The following CNIH3 variants were observed in gnomAD, a reference collection of about 807,000 sequenced individuals.
CNIH3 encodes protein cornichon homolog 3.
Under a neutral mutation model 24.1 loss-of-function variants are expected in CNIH3, and 14 were observed. The observed-to-expected ratio is 0.58, with a 90% CI of 0.38 to 0.91. The LOEUF (loss-of-function observed/expected upper bound fraction) is 0.91. Among genes scored for constraint, CNIH3 ranks in the 40% least tolerant of loss-of-function variants. The pLI is 0.00. For synonymous variants in CNIH3, 68 were observed against 73.8 expected (o/e 0.92, Z 0.40); for missense variants, 178 against 196.8 (o/e 0.90, Z 0.57).
intron 3 of CNIH3, among the ~76,000 whole-genome samples, chr1:224,689,923 G>A (rs1383359428): frequency 6.6e-6 from 1 of 152,064 alleles, no homozygotes; most frequent in Non-Finnish European, 1.5e-5. Flanking sequence ...AGCTCTGTGG[G>A]GCCCCTACAA....
chr1:224,536,138 C>G (rs1273988627), intron 2 of CNIH3, among the ~76,000 whole-genome samples: 2 of 152,076 alleles, frequency 1.3e-5, no homozygotes, highest in African/African-American at 4.8e-5. Context: ...GGGCAAGGAT[C>G]CATCTGTCAG....
At chr1:224,714,085 G>A (rs1278883022) in intron 3 of CNIH3, among the ~76,000 whole-genome samples, 1 of 152,196 alleles carries the variant, frequency 6.6e-6, no homozygotes, top group Non-Finnish European at 1.5e-5. Context: ...AAAGTGCTGG[G>A]ATTACAGGCG....
At chr1:224,575,509 G>A (rs984345075) in intron 4 of CNIH3, 2 of 516,740 alleles carry the variant, frequency 3.9e-6, no homozygotes, top group African/African-American at 1.9e-5. Flanking sequence ...AACCTATAGA[G>A]TGGCCAGCGA....
Position 224,704,917 on chromosome 1 carries a change from C to A in CNIH3, c.198+20074C>A, listed in dbSNP as rs1007332093. Reference sequence around the variant, plus strand: ...CTGAGGTCAAGAGTTCAAGACCAGCCTGACCAATGTGATGAAACCCCGTCT... The same window carrying A: ...CTGAGGTCAAGAGTTCAAGACCAGCATGACCAATGTGATGAAACCCCGTCT... On this transcript the variant is annotated intron_variant, in intron 3 of 5. Transcript: ENST00000272133. This position sits in a 1 kb window ranked among gnomAD's most constrained non-coding sequence, Gnocchi z 4.2. Among the ~76,000 whole-genome samples the A allele has an allele frequency of 6.6e-6, 1 of 152,152 alleles. No homozygotes were observed. The highest frequency in any genetic ancestry group is 2.4e-5 in the African/African-American group (1 of 41,432).
At chr1:224,599,487 G>A (rs1224340997) in intron 3 of CNIH3, among the ~76,000 whole-genome samples, 1 of 151,964 alleles carries the variant, frequency 6.6e-6, no homozygotes, top group Admixed American at 6.5e-5. Flanking sequence ...AACTCATTAT[G>A]CCTTTTACAT....
At chr1:224,529,063 T>G (rs985300) in intron 2 of CNIH3, 2 of 152,264 alleles carry the variant, frequency 1.3e-5, no homozygotes, top group Middle Eastern at 3.4e-3. Flanking sequence ...GCGAGTCGGC[T>G]GGGGCAGCCT....
intron 1 of CNIH3, among the ~76,000 whole-genome samples, chr1:224,504,902 A>G (rs1019450397): frequency 2.6e-5 from 4 of 152,092 alleles, no homozygotes; most frequent in Non-Finnish European, 4.4e-5. Context: ...TAAGTGCTCA[A>G]TGGAGGGCAA....
Position 224,684,848 on chromosome 1 carries a change from G to C in CNIH3, c.198+5G>C. On this transcript the variant is annotated splice_donor_5th_base_variant and intron_variant, in intron 3 of 5. Transcript: ENST00000272133. This position sits in a 1 kb window ranked among gnomAD's most constrained non-coding sequence, Gnocchi z 4.2. Reference sequence around the variant, plus strand: ...ATCTGCTTCCTTCTGCGAAAGGTCAGTGTGGCAGCTTCATGCCGAGGATGG... The same window carrying C: ...ATCTGCTTCCTTCTGCGAAAGGTCACTGTGGCAGCTTCATGCCGAGGATGG... 1 of 1,613,862 alleles carries C rather than the reference G, an allele frequency of 6.2e-7. No individual in the cohort carries two copies. The highest frequency in any genetic ancestry group is 8.5e-7 in the Non-Finnish European group (1 of 1,179,706).
rs184600224 is a variant in CNIH3, at chr1:224,482,034, G to A, written n.204-33707G>A. ...CCTCATGCACCACTACAGGCCCATG[G>A]GGAGCAGTGCTAGGATACTGCGGAT... On this transcript the variant is annotated intron_variant and non_coding_transcript_variant, in intron 1 of 5. Transcript: ENST00000471578. 3.3e-5 allele frequency among the ~76,000 whole-genome samples: 5 copies of A among 152,292 alleles called. No homozygotes were observed. The East Asian group carries it at 7.7e-4, about 24-fold the overall frequency.
intron 1 of CNIH3, among the ~76,000 whole-genome samples, chr1:224,471,440 G>A (rs79742595): frequency 1.5e-3 from 224 of 152,040 alleles, no homozygotes; most frequent in African/African-American, 5.2e-3. Flanking sequence ...ATCATTGTAC[G>A]CTCTATCTCC....
At position 224,449,669 on chromosome 1, in the gene CNIH3, T is replaced by C. The variant is rs1675311512; in HGVS notation, n.203+14807T>C. ...CACCACCCCCGGCTACAAAATTTTC[T>C]TTATAAAGCATGAAACCATTATGTC... On this transcript the variant is annotated intron_variant and non_coding_transcript_variant, in intron 1 of 5. Coordinates refer to the CNIH3 transcript ENST00000471578. Among the ~76,000 whole-genome samples, 10 of 152,256 alleles carry C rather than the reference T, an allele frequency of 6.6e-5. No homozygotes were observed. The South Asian group carries it at 2.1e-3, about 32-fold the overall frequency.
intron 3 of CNIH3, among the ~76,000 whole-genome samples, chr1:224,610,040 C>T (rs923126854): frequency 6.6e-6 from 1 of 152,092 alleles, no homozygotes; most frequent in African/African-American, 2.4e-5. Context: ...TCTGTTTTTT[C>T]ACTTTTGGTA....
intron 1 of CNIH3, among the ~76,000 whole-genome samples, chr1:224,664,326 T>G (rs1389067349): frequency 6.6e-6 from 1 of 152,202 alleles, no homozygotes; most frequent in Non-Finnish European, 1.5e-5. Context: ...AGGGTCAATT[T>G]CCATGTGTAT....
intron 1 of CNIH3, among the ~76,000 whole-genome samples, chr1:224,463,773 ATTTTTTTTTTTTTTTTTTTT>A (rs56137320): frequency 1.9e-4 from 4 of 20,730 alleles, no homozygotes; most frequent in South Asian, 2.6e-3. Context: ...AATTGTCCTC[ATTTTTTTTTTTTTTTTTTTT>A]TTTTTTTTTT....
chr1:224,624,378 C>T (rs1275684808), intron 1 of CNIH3, among the ~76,000 whole-genome samples: 2 of 152,134 alleles, frequency 1.3e-5, no homozygotes, highest in Non-Finnish European at 2.9e-5. Flanking sequence ...CCTGGCCTCC[C>T]AGACCTGTCC....
chr1:224,705,745 G>T (rs1274503799), intron 3 of CNIH3, among the ~76,000 whole-genome samples: 6 of 151,886 alleles, frequency 4.0e-5, no homozygotes, highest in Non-Finnish European at 8.8e-5. Context: ...ATAGTACCCT[G>T]CTCCAGCCAC....
intron 3 of CNIH3, among the ~76,000 whole-genome samples, chr1:224,722,267 C>T (rs1334640889): frequency 2.0e-5 from 3 of 152,142 alleles, no homozygotes; most frequent in African/African-American, 7.2e-5. Flanking sequence ...CTGTGAATCT[C>T]AGCTCAAGTG....
intron 4 of CNIH3, among the ~76,000 whole-genome samples, chr1:224,733,280 G>A (rs895822807): frequency 6.6e-6 from 1 of 152,210 alleles, no homozygotes; most frequent in African/African-American, 2.4e-5. Context: ...GAAAGTCAAT[G>A]TGGTGACTGG....
At chr1:224,628,718 C>G (rs936957149) in intron 1 of CNIH3, among the ~76,000 whole-genome samples, 6 of 151,960 alleles carry the variant, frequency 3.9e-5, no homozygotes, top group Non-Finnish European at 7.4e-5. Flanking sequence ...CCAGGGCACT[C>G]GAAAGTTAAC....
Sources: allele counts gnomAD v4.1 joint callset (sites outside exome capture counted in the v4.1 genomes callset), GRCh38; gene constraint gnomAD v4.1.1; non-coding constraint Gnocchi (gnomAD v3.1); transcripts MANE v1.5; gene names NCBI Gene and HGNC (gene_info 2026-07-23, HGNC 2026-07-21).